FREM2: variants seen among roughly 807,000 people sequenced by gnomAD.
FREM2 encodes the protein FRAS1 related extracellular matrix 2.
A neutral mutation model predicts 219.9 loss-of-function variants in FREM2; 119 were observed. The ratio of observed to expected loss-of-function variants is 0.54; its 90% confidence interval spans 0.47 to 0.63. The LOEUF is 0.63. Among genes scored for constraint, FREM2 ranks in the 30% least tolerant of loss-of-function variants. The pLI is 0.00. For synonymous variants in FREM2, 1,562 were observed against 1,522.8 expected (o/e 1.03, Z -0.60); for missense variants, 4,030 against 3,993.6 (o/e 1.01, Z -0.25).
intron 11 of FREM2, among the ~76,000 whole-genome samples, chr13:38,852,775 G>A (rs1877419150): frequency 6.7e-6 from 1 of 149,162 alleles, no homozygotes; most frequent in African/African-American, 2.5e-5. Context: ...CGTAATCACA[G>A]CTCACTGCAG....
At chr13:38,810,458 T>C (rs1875432727) in intron 6 of FREM2, among the ~76,000 whole-genome samples, 1 of 152,070 alleles carries the variant, frequency 6.6e-6, no homozygotes, top group South Asian at 2.1e-4. Context: ...TGTGGGTCTG[T>C]TTTATATGGT....
At chr13:38,709,005 C>A (rs1593356774) in intron 2 of FREM2, among the ~76,000 whole-genome samples, 1 of 152,174 alleles carries the variant, frequency 6.6e-6, no homozygotes, top group Admixed American at 6.5e-5. Context: ...GGTGATCCAC[C>A]TGCGTTTGCC....
intron 6 of FREM2, among the ~76,000 whole-genome samples, chr13:38,832,218 C>A (rs1010290405): frequency 3.3e-5 from 5 of 151,876 alleles, no homozygotes; most frequent in Non-Finnish European, 7.4e-5. Flanking sequence ...GAGCCAAGAT[C>A]TCACCACGGC....
At chr13:38,844,174 A>G (rs553855362) in intron 6 of FREM2, among the ~76,000 whole-genome samples, 1 of 152,170 alleles carries the variant, frequency 6.6e-6, no homozygotes, top group Non-Finnish European at 1.5e-5. Context: ...TCTACAGGAG[A>G]TAACAATATA....
chr13:38,826,610 T>C (rs1368573447), intron 6 of FREM2, among the ~76,000 whole-genome samples: 1 of 151,758 alleles, frequency 6.6e-6, no homozygotes, highest in African/African-American at 2.4e-5. Context: ...TCAAGATTAC[T>C]TATTGTTTGA....
In FREM2 at chr13:38,881,285, A is replaced by G. The variant is rs533287564; in HGVS notation, c.*498A>G. On this transcript the variant is annotated 3_prime_UTR_variant, in exon 24 of 24. Transcript: ENST00000280481. Reference sequence around the variant, plus strand: ...ATTATGACAAGTTTTCAAATAGGTGAAGACAGCATAGAATTATGACCAGGG... The same window carrying G: ...ATTATGACAAGTTTTCAAATAGGTGGAGACAGCATAGAATTATGACCAGGG... 4.1e-5 allele frequency: 8 copies of G among 195,136 alleles called. No individual in the cohort carries two copies. Among genetic ancestry groups the G allele is most frequent in the Non-Finnish European group, 7.4e-5 (7 of 93,974 alleles). The allele number at this position is 195,136 out of a possible 1,614,324, so 12.1% of individuals were successfully genotyped here.
At chr13:38,797,302 G>A (rs142653830) in intron 6 of FREM2, among the ~76,000 whole-genome samples, 59 of 152,008 alleles carry the variant, frequency 3.9e-4, no homozygotes, top group Non-Finnish European at 6.3e-4. Flanking sequence ...CCAGTCTAAC[G>A]GGTAAGATGC....
At chr13:38,716,613 G>C (rs1019680729) in intron 2 of FREM2, among the ~76,000 whole-genome samples, 2 of 152,002 alleles carry the variant, frequency 1.3e-5, no homozygotes, top group East Asian at 1.9e-4. Context: ...TCTCAAGCAA[G>C]TCTCCTCCCT....
chr13:38,725,519 A>G (rs1871481512), intron 2 of FREM2, among the ~76,000 whole-genome samples: 1 of 152,168 alleles, frequency 6.6e-6, no homozygotes, highest in South Asian at 2.1e-4. Flanking sequence ...TTAACCCTGG[A>G]AAGACCGGGG....
intron 1 of FREM2, among the ~76,000 whole-genome samples, chr13:38,694,684 T>TCCTA (rs1345015275): frequency 1.3e-5 from 2 of 152,206 alleles, no homozygotes; most frequent in Admixed American, 1.3e-4. Context: ...ACTAAATGGT[T>TCCTA]CCTAGAAGAA....
Position 38,688,893 on chromosome 13 carries a change from G to A in FREM2, c.1549G>A (p.Val517Met), listed in dbSNP as rs566143955. The change falls in exon 1 of 24, where the codon GTG (valine) becomes ATG (methionine). Residue 517 changes from valine (V) to methionine (M), a missense_variant. Physicochemically the swap from Val to Met is conservative, Grantham distance 21. Around this residue, in one of 2 missense-constraint regions of FREM2, gnomAD observed 3,102 missense variants for 2,950.7 expected, o/e 1.05. Coordinates refer to ENST00000280481, the MANE Select transcript of FREM2 (RefSeq NM_207361.6). The stretch of plus-strand genomic sequence containing the variant: ...AGTGGCTGAGCTGGCAGCCGGCCAG[G>A]TGGTCTACCAGCATGATGACAGAGA... ...FTVAELAAGQ[V>M]VYQHDDRDGS... The A allele has an allele frequency of 7.4e-6, 12 of 1,613,044 alleles. No homozygotes were observed. In the East Asian group the frequency reaches 2.0e-4, roughly 27 times the overall value.
At chr13:38,790,810 A>AT (rs1465850763) in intron 6 of FREM2, among the ~76,000 whole-genome samples, 1 of 152,202 alleles carries the variant, frequency 6.6e-6, no homozygotes, top group Non-Finnish European at 1.5e-5. Flanking sequence ...TGGCAAAGTG[A>AT]TTTAATTATT....
chr13:38,881,593 T>A lies in FREM2; in HGVS notation c.*806T>A, dbSNP rs1878551804. 1 of 152,684 alleles carries A rather than the reference T, an allele frequency of 6.5e-6. No homozygotes were observed. The highest frequency in any genetic ancestry group is 2.1e-4 in the South Asian group (1 of 4,820). 9.5% of individuals were successfully genotyped at this position (152,684 alleles called of 1,614,324 possible). A position where few individuals can be genotyped will look rare whatever the true frequency, so the allele number is the denominator to read the frequency against. ...CAACATTTGTGGGAAATTAGAGGGT[T>A]GGTGAGATTTTGGTGATGAATAAAT... On this transcript the variant is annotated 3_prime_UTR_variant, in exon 24 of 24. Coordinates refer to ENST00000280481, the MANE Select transcript of FREM2 (RefSeq NM_207361.6).
Position 38,764,345 on chromosome 13 carries a change from G to C in FREM2, c.5305G>C (p.Ala1769Pro). The C allele has an allele frequency of 1.2e-6, 2 of 1,610,626 alleles. No individual in the cohort carries two copies. The highest frequency in any genetic ancestry group is 1.7e-6 in the Non-Finnish European group (2 of 1,177,054). ...LTYQNFRLNW[A>P]WISFEKEYYL... is the part of the protein sequence containing the mutation. ...GTACCAGAATTTTCGTCTGAATTGG[G>C]CATGGATCTCCTTTGAAAAGGAATA... Residue 1769 changes from alanine (A) to proline (P), a missense_variant, in exon 3 of 24, where the codon GCA becomes CCA. Physicochemically the swap from Ala to Pro is conservative, Grantham distance 27. Coordinates refer to ENST00000280481, the MANE Select transcript of FREM2 (RefSeq NM_207361.6).
intron 2 of FREM2, among the ~76,000 whole-genome samples, chr13:38,719,237 T>C (rs1356379394): frequency 6.6e-6 from 1 of 152,182 alleles, no homozygotes; most frequent in Non-Finnish European, 1.5e-5. Flanking sequence ...TTTAATTTTT[T>C]GAGATGGAGT....
Position 38,858,093 on chromosome 13 carries a change from A to T in FREM2, c.7215+60A>T, listed in dbSNP as rs189725430. On this transcript the variant is annotated intron_variant, in intron 13 of 23. Transcript: ENST00000280481. ...TAAGATAATTATTTCAAATAATTATAATCAATATAGCATTGGCTTTGTTAT... is the reference window on the plus strand; with the variant it reads ...TAAGATAATTATTTCAAATAATTATTATCAATATAGCATTGGCTTTGTTAT... 93 of 1,352,714 alleles carry T rather than the reference A, an allele frequency of 6.9e-5. No individual in the cohort carries two copies. In the East Asian group the frequency reaches 2.2e-3, roughly 32 times the overall value. 83.8% of individuals were successfully genotyped at this position (1,352,714 alleles called of 1,614,324 possible). A position where few individuals can be genotyped will look rare whatever the true frequency, so the allele number is the denominator to read the frequency against.
At position 38,872,883 on chromosome 13, in the gene FREM2, G is replaced by A. The variant is rs200378508; in HGVS notation, c.8125G>A (p.Ala2709Thr). 9.2e-5 allele frequency: 149 copies of A among 1,613,858 alleles called. No individual in the cohort carries two copies. In the Admixed American group the frequency reaches 1.6e-3, roughly 17 times the overall value. ...ELRLTFVYDT[A>T]ILWNDGIGSP... is the part of the protein sequence containing the mutation. ...TCGTCTAACTTTTGTGTACGACACCGCCATCTTGTGGAATGATGGAATTGG... is the reference window on the plus strand; with the variant it reads ...TCGTCTAACTTTTGTGTACGACACCACCATCTTGTGGAATGATGGAATTGG... The change falls in exon 17 of 24, where the codon GCC becomes ACC. Residue 2709 changes from alanine to threonine, a missense_variant. Ala to Thr is a moderately conservative substitution (Grantham distance 58). This residue lies in a region of FREM2 where 928 missense variants were observed against 1,042.9 expected (regional missense o/e 0.89). Transcript: ENST00000280481.
At chr13:38,809,166 TA>T (rs1228842195) in intron 6 of FREM2, among the ~76,000 whole-genome samples, 1 of 151,276 alleles carries the variant, frequency 6.6e-6, no homozygotes, top group African/African-American at 2.4e-5. Context: ...TGATCTAGTT[TA>T]TTTTTTATAC....
chr13:38,791,302 A>G (rs1874550287), intron 6 of FREM2, among the ~76,000 whole-genome samples: 1 of 152,156 alleles, frequency 6.6e-6, no homozygotes, highest in Non-Finnish European at 1.5e-5. Flanking sequence ...GCATCAAGGA[A>G]CTCAGTTTCC....
Sources: allele counts gnomAD v4.1 joint callset (sites outside exome capture counted in the v4.1 genomes callset), GRCh38; gene constraint gnomAD v4.1.1; regional missense constraint gnomAD v4.1.1; transcripts MANE v1.5; gene names NCBI Gene and HGNC (gene_info 2026-07-23, HGNC 2026-07-21).